The following GIGYF2 variants were observed in gnomAD, a reference collection of about 807,000 sequenced individuals.
The protein encoded by GIGYF2 is GRB10-interacting GYF protein 2.
In GIGYF2, 25 loss-of-function variants were observed where a neutral mutation model predicts 208.1. That is an observed-to-expected ratio of 0.12 (90% CI 0.09 to 0.17). The LOEUF is 0.17. Ranked by LOEUF, GIGYF2 falls within the 10% of genes least tolerant of loss-of-function variation. The pLI, the probability that GIGYF2 is intolerant of heterozygous loss-of-function variation, is 1.00. For synonymous variants in GIGYF2, 534 were observed against 543.8 expected, an observed-to-expected ratio of 0.98 and a Z score of 0.25; for missense variants, 1,302 against 1,579.4, an observed-to-expected ratio of 0.82 and a Z score of 2.98.
At chr2:232,715,168 G>A (rs933322589) in intron 2 of GIGYF2, among the ~76,000 whole-genome samples, 1 of 152,078 alleles carries the variant, frequency 6.6e-6, no homozygotes, top group Admixed American at 6.6e-5. Context: ...ATAATTATCT[G>A]TGATTCATCC....
intron 28 of GIGYF2, among the ~76,000 whole-genome samples, chr2:232,855,829 G>T (rs534455582): frequency 1.3e-5 from 2 of 152,156 alleles, no homozygotes; most frequent in Non-Finnish European, 2.9e-5. Flanking sequence ...TAGACCTCCT[G>T]CATGAACTTT....
intron 2 of GIGYF2, among the ~76,000 whole-genome samples, chr2:232,714,762 A>G (rs1696600377): frequency 6.6e-6 from 1 of 152,018 alleles, no homozygotes; most frequent in African/African-American, 2.4e-5. Context: ...AAATTCATGT[A>G]AATGGAAATC....
chr2:232,711,705 G>GTATA (rs55893272), intron 2 of GIGYF2, among the ~76,000 whole-genome samples: 6,915 of 115,636 alleles, frequency 0.06, 505 homozygotes, highest in East Asian at 0.25. Context: ...TCACAATGAT[G>GTATA]TATATATATA....
Position 232,730,030 on chromosome 2 carries a change from T to A in GIGYF2, c.-43-5125T>A, listed in dbSNP as rs1380031077. The A allele has an allele frequency of 4.8e-6, 4 of 828,584 alleles. No homozygotes were observed. The African/African-American group carries it at 5.0e-5, about 10-fold the overall frequency. The allele number at this position is 828,584 out of a possible 1,614,324, so 51.3% of individuals were successfully genotyped here. A position where few individuals can be genotyped will look rare whatever the true frequency, so the allele number is the denominator to read the frequency against. On this transcript the variant is annotated intron_variant, in intron 2 of 28. Transcript: ENST00000373563. ...TCTTTTTCGTAAGACTTGATGTGAT[T>A]ATACCAACGAAGGGCATAACACAAG...
intron 18 of GIGYF2, among the ~76,000 whole-genome samples, chr2:232,813,511 A>G (rs1700805286): frequency 6.6e-6 from 1 of 152,002 alleles, no homozygotes; most frequent in Admixed American, 6.6e-5. Context: ...CCAGCCGAGC[A>G]CCTCTGTTTC....
chr2:232,857,457 T>A lies in GIGYF2; in HGVS notation c.*597T>A, dbSNP rs964790584. On this transcript the variant is annotated 3_prime_UTR_variant, in exon 29 of 29. Coordinates refer to ENST00000373563, the MANE Select transcript of GIGYF2 (RefSeq NM_001103146.3). ...GGCCCTGAGTGGGGTTGAGATGAGG[T>A]TGGTTTGGTTTGATGTTACACACTC... The A allele has an allele frequency of 1.8e-5, 3 of 164,934 alleles. No homozygotes were observed. The highest frequency in any genetic ancestry group is 4.0e-5 in the Non-Finnish European group (3 of 75,360). The allele number at this position is 164,934 out of a possible 1,614,324, so 10.2% of individuals were successfully genotyped here. A position where few individuals can be genotyped will look rare whatever the true frequency, so the allele number is the denominator to read the frequency against.
intron 8 of GIGYF2, chr2:232,768,100 G>A: frequency 3.2e-6 from 4 of 1,266,722 alleles, no homozygotes; most frequent in Non-Finnish European, 4.6e-6. Context: ...GCTATAATTA[G>A]CATTGAAAAA....
Position 232,784,386 on chromosome 2 carries a change from CTT to C in GIGYF2, c.533-2744_533-2743del, listed in dbSNP as rs10645449. Among the ~76,000 whole-genome samples, 279 of 92,288 alleles carry C rather than the reference CTT, an allele frequency of 3.0e-3. 1 individual carries two copies. The highest frequency in any genetic ancestry group is 0.01 in the African/African-American group (257 of 25,170). The allele number at this position is 92,288 out of a possible 152,430, so 60.5% of individuals were successfully genotyped here. On this transcript the variant is annotated intron_variant, in intron 8 of 28. Coordinates refer to ENST00000373563, the MANE Select transcript of GIGYF2 (RefSeq NM_001103146.3). ...TCTAGCTACTTACACGAAATAATTT[CTT>C]TTTTTTTTTTTTTTTTTTTGAGACG... is the stretch of plus-strand genomic sequence containing the variant.
chr2:232,725,875 T>C (rs910434034), intron 2 of GIGYF2, among the ~76,000 whole-genome samples: 1 of 152,176 alleles, frequency 6.6e-6, no homozygotes, highest in Non-Finnish European at 1.5e-5. Context: ...TTTCATGGGA[T>C]TTTGTTTAGA....
rs1698478999 is a variant in GIGYF2 at position 232,755,040 on chromosome 2, T to A, written c.268-1183T>A. Among the ~76,000 whole-genome samples, 35 of 152,304 alleles carry A rather than the reference T, an allele frequency of 2.3e-4. No homozygotes were observed. The South Asian group carries it at 7.2e-3, about 32-fold the overall frequency. ...AAGTAGAAGTTTTTTAACGATTAGATGTTGACTTCTTCAAAAGAAGGTGGT... is the reference window on the plus strand; with the variant it reads ...AAGTAGAAGTTTTTTAACGATTAGAAGTTGACTTCTTCAAAAGAAGGTGGT... On this transcript the variant is annotated intron_variant, in intron 5 of 28. Transcript: ENST00000373563.
At chr2:232,777,219 A>T (rs1424860882) in intron 8 of GIGYF2, among the ~76,000 whole-genome samples, 1 of 152,168 alleles carries the variant, frequency 6.6e-6, no homozygotes, top group Non-Finnish European at 1.5e-5. Flanking sequence ...AGAACCGAAG[A>T]ATTTTCTTAA....
chr2:232,729,135 C>T (rs561101589), intron 2 of GIGYF2, among the ~76,000 whole-genome samples: 6 of 152,216 alleles, frequency 3.9e-5, no homozygotes, highest in East Asian at 1.9e-4. Flanking sequence ...CATACCACCA[C>T]GCGTGACTAA....
At chr2:232,770,759 A>G (rs1398530802) in intron 8 of GIGYF2, 1 of 668,436 alleles carries the variant, frequency 1.5e-6, no homozygotes, top group Non-Finnish European at 2.5e-6. Context: ...TTTCTTTTCT[A>G]TCTTAGACAT....
rs183401397 is a variant in GIGYF2, at chr2:232,844,321, C to T, written c.3100-48C>T. 1.9e-4 allele frequency: 304 copies of T among 1,612,102 alleles called. 3 individuals carry two copies. In the African/African-American group the frequency reaches 3.8e-3, roughly 20 times the overall value. On this transcript the variant is annotated intron_variant, in intron 24 of 28. Transcript: ENST00000373563. Reference sequence around the variant, plus strand: ...TTATCTTTTCTGACTGTCTTCTTATCTTTTTAACATGATTCACGATAATCA... The same window carrying T: ...TTATCTTTTCTGACTGTCTTCTTATTTTTTTAACATGATTCACGATAATCA...
At chr2:232,735,835 C>G (rs183017904) in intron 3 of GIGYF2, 25 of 985,278 alleles carry the variant, frequency 2.5e-5, no homozygotes, top group East Asian at 1.1e-4. Flanking sequence ...GGCTTCCCCC[C>G]CTCCCCTCCT....
At chr2:232,780,951 G>A (rs937998251) in intron 8 of GIGYF2, among the ~76,000 whole-genome samples, 39 of 151,844 alleles carry the variant, frequency 2.6e-4, no homozygotes, top group African/African-American at 8.2e-4. Context: ...ATTTATTTAT[G>A]TTTATTTTAT....
At chr2:232,713,868 T>C (rs560461573) in intron 2 of GIGYF2, among the ~76,000 whole-genome samples, 36 of 152,356 alleles carry the variant, frequency 2.4e-4, no homozygotes, top group Admixed American at 1.5e-3. Flanking sequence ...ATCCTTGATG[T>C]TGACCTTCAT....
At chr2:232,796,434 A>G (rs1700224845) in intron 14 of GIGYF2, among the ~76,000 whole-genome samples, 1 of 152,258 alleles carries the variant, frequency 6.6e-6, no homozygotes, top group Non-Finnish European at 1.5e-5. Context: ...CCAGTTGAGC[A>G]TCCCTAATCT....
chr2:232,805,136 C>G (rs1700521105), intron 14 of GIGYF2, among the ~76,000 whole-genome samples: 1 of 151,626 alleles, frequency 6.6e-6, no homozygotes, highest in Non-Finnish European at 1.5e-5. Context: ...TTTATTGCCC[C>G]AAATGTGGTC....
Sources: gnomAD v4.1 joint callset for allele counts (sites outside exome capture counted in the v4.1 genomes callset) on GRCh38, gnomAD v4.1.1 for gene constraint, MANE v1.5 for transcripts, NCBI Gene and HGNC (gene_info 2026-07-23, HGNC 2026-07-21) for gene names.